Variants in NPTN observed in about 807,000 individuals in gnomAD.
NPTN encodes neuroplastin.
NPTN carries 5 observed loss-of-function variants against 42.7 expected under a neutral mutation model. That is an observed-to-expected ratio of 0.12 (90% CI 0.06 to 0.25). The LOEUF is 0.25. Among genes scored for constraint, NPTN ranks in the 10% least tolerant of loss-of-function variants. The pLI, the probability that NPTN is intolerant of heterozygous loss-of-function variation, is 1.00. For synonymous variants in NPTN, 180 were observed against 201.9 expected, an observed-to-expected ratio of 0.89 and a Z score of 0.92; for missense variants, 307 against 525.4, an observed-to-expected ratio of 0.58 and a Z score of 4.06.
chr15:73,629,956 A>C (rs1265932100), intron 1 of NPTN, among the ~76,000 whole-genome samples: 1 of 152,246 alleles, frequency 6.6e-6, no homozygotes, highest in Non-Finnish European at 1.5e-5. Context: ...TTTCTGAGAA[A>C]GTTACATAAG....
chr15:73,616,753 C>G (rs1301410747), intron 1 of NPTN, among the ~76,000 whole-genome samples: 1 of 152,110 alleles, frequency 6.6e-6, no homozygotes, highest in African/African-American at 2.4e-5. Flanking sequence ...CCTAGTGTCC[C>G]AAACACCAGT....
intron 6 of NPTN, among the ~76,000 whole-genome samples, chr15:73,564,592 G>A (rs1294235181): frequency 1.3e-5 from 2 of 152,118 alleles, no homozygotes; most frequent in Non-Finnish European, 2.9e-5. Context: ...ACTATCAAAC[G>A]GGTACAGAGA....
At chr15:73,596,916 T>C in intron 2 of NPTN, 106 bp downstream of exon 2, 1 of 795,704 alleles carries the variant, frequency 1.3e-6, no homozygotes, top group Non-Finnish European at 1.9e-6. Context: ...AGACAAGGGG[T>C]GGGGTGAGTG....
chr15:73,631,715 A>C (rs946049960), intron 1 of NPTN, among the ~76,000 whole-genome samples: 10 of 152,240 alleles, frequency 6.6e-5, no homozygotes, highest in Admixed American at 1.3e-4. Flanking sequence ...ACTCTCCAGT[A>C]CTGACTTCTC....
rs1253129075 is a variant in NPTN, at chr15:73,591,994, G to T, written c.583C>A (p.Arg195Ser). The change falls in exon 3 of 9, where the codon CGT becomes AGT. Residue 195 changes from arginine (R) to serine (S), a missense_variant. Arg to Ser is a moderately radical substitution (Grantham distance 110). Coordinates refer to ENST00000345330, the MANE Select transcript of NPTN (RefSeq NM_012428.4). ...TACTCCATGTTGCTGGCATTCTTAC[G>T]AGTGGCACTCAGTTCCACCCCATTC... is the stretch of plus-strand genomic sequence containing the variant. ...TKNGVELSAT[R>S]KNASNMEYRI... is the part of the protein sequence containing the mutation. The T allele has an allele frequency of 9.3e-6, 15 of 1,613,452 alleles. No homozygotes were observed. The highest frequency in any genetic ancestry group is 1.3e-5 in the Non-Finnish European group (15 of 1,179,692).
chr15:73,603,291 C>A (rs1897150007), intron 1 of NPTN, among the ~76,000 whole-genome samples: 1 of 152,196 alleles, frequency 6.6e-6, no homozygotes, highest in Admixed American at 6.5e-5. Context: ...AAGTGCTAAA[C>A]AGGCCACGGG....
chr15:73,600,105 T>C (rs1361966942), intron 1 of NPTN, among the ~76,000 whole-genome samples: 1 of 152,202 alleles, frequency 6.6e-6, no homozygotes, highest in Non-Finnish European at 1.5e-5. Context: ...TGATTCCCAC[T>C]GCACACAACT....
At chr15:73,577,312 C>T (rs906578234) in intron 4 of NPTN, among the ~76,000 whole-genome samples, 1 of 152,200 alleles carries the variant, frequency 6.6e-6, no homozygotes. Flanking sequence ...CAGGAAGAAG[C>T]CAGAGTGATC....
At chr15:73,561,860 A>ATAAT in intron 8 of NPTN, 36 bp downstream of exon 8, 1 of 1,424,878 alleles carries the variant, frequency 7.0e-7, no homozygotes, top group South Asian at 1.2e-5. Context: ...TCATTTGAAT[A>ATAAT]TAATTTTTAA....
chr15:73,633,221 C>T lies in NPTN; in HGVS notation c.-6G>A, dbSNP rs1479657323. The T allele has an allele frequency of 1.3e-6, 2 of 1,524,540 alleles. No individual in the cohort carries two copies. The highest frequency in any genetic ancestry group is 4.6e-5 in the Admixed American group (2 of 43,736). The allele number at this position is 1,524,540 out of a possible 1,614,324, so 94.4% of individuals were successfully genotyped here. A position where few individuals can be genotyped will look rare whatever the true frequency, so the allele number is the denominator to read the frequency against. Reference sequence around the variant, plus strand: ...GGCAGCGACGAACCCGACATCCTCCCTAGCAGAAGACCCAACAGCGAATGG... The same window carrying T: ...GGCAGCGACGAACCCGACATCCTCCTTAGCAGAAGACCCAACAGCGAATGG... On this transcript the variant is annotated 5_prime_UTR_variant, in exon 1 of 9. Coordinates refer to ENST00000345330, the MANE Select transcript of NPTN (RefSeq NM_012428.4).
chr15:73,599,092 T>G (rs1371968065), intron 1 of NPTN, among the ~76,000 whole-genome samples: 1 of 152,104 alleles, frequency 6.6e-6, no homozygotes, highest in Non-Finnish European at 1.5e-5. Flanking sequence ...CCTCTTCAGA[T>G]CCAGCATGCA....
At chr15:73,574,491 G>C (rs1895579659) in intron 4 of NPTN, among the ~76,000 whole-genome samples, 1 of 152,136 alleles carries the variant, frequency 6.6e-6, no homozygotes, top group Admixed American at 6.5e-5. Context: ...CATGATCGCT[G>C]CTCACTGTAG....
At chr15:73,608,446 C>T (rs909912924) in intron 1 of NPTN, among the ~76,000 whole-genome samples, 1 of 152,172 alleles carries the variant, frequency 6.6e-6, no homozygotes, top group Non-Finnish European at 1.5e-5. Context: ...CAAGAGGAAA[C>T]ACCATGAGCA....
rs144154573 is a variant in NPTN, at chr15:73,618,959, T to C, written c.91+14166A>G. Among the ~76,000 whole-genome samples the C allele has an allele frequency of 1.4e-3, 219 of 151,112 alleles. 5 individuals carry two copies. In the East Asian group the frequency reaches 0.038, roughly 26 times the overall value. ...CTGTAATCCCAGCTGCTCAGGACAC[T>C]GAGACAGGACGATTGCTTGAGCCTG... is the stretch of plus-strand genomic sequence containing the variant. On this transcript the variant is annotated intron_variant, in intron 1 of 8. Coordinates refer to ENST00000345330, the MANE Select transcript of NPTN (RefSeq NM_012428.4).
intron 1 of NPTN, among the ~76,000 whole-genome samples, chr15:73,611,222 T>C (rs1459850218): frequency 2.0e-5 from 3 of 152,346 alleles, no homozygotes; most frequent in East Asian, 1.9e-4. Context: ...ATTCTTAAAG[T>C]AATACGCAAT....
chr15:73,582,948 T>C (rs1197244822), intron 4 of NPTN, among the ~76,000 whole-genome samples: 2 of 152,214 alleles, frequency 1.3e-5, no homozygotes, highest in Non-Finnish European at 2.9e-5. Context: ...TGGCTCTCCT[T>C]GCTCCTCAAG....
Position 73,571,744 on chromosome 15 carries a change from C to G in NPTN, c.841-1321G>C, listed in dbSNP as rs1382342047. On this transcript the variant is annotated intron_variant, in intron 5 of 8. Transcript: ENST00000345330. ...CTCATGTGTCTTTACCCTGCAACAA[C>G]TAAAGCACAATCAGAAATAGGAGAG... is the stretch of plus-strand genomic sequence containing the variant. 2.6e-5 allele frequency among the ~76,000 whole-genome samples: 4 copies of G among 152,138 alleles called. No individual in the cohort carries two copies. In the South Asian group the frequency reaches 8.3e-4, roughly 32 times the overall value.
chr15:73,622,301 T>G (rs1595969883), intron 1 of NPTN, among the ~76,000 whole-genome samples: 2 of 152,182 alleles, frequency 1.3e-5, no homozygotes, highest in African/African-American at 4.8e-5. Flanking sequence ...AAGAAAAGGG[T>G]GTGGTCAATC....
intron 1 of NPTN, chr15:73,599,394 T>A (rs1939563044): frequency 6.5e-6 from 1 of 153,242 alleles, no homozygotes; most frequent in African/African-American, 2.4e-5. Flanking sequence ...GGCGGGAGGA[T>A]CATGAGGTCA....
Sources: gnomAD v4.1 joint callset for allele counts (sites outside exome capture counted in the v4.1 genomes callset) on GRCh38, gnomAD v4.1.1 for gene constraint, MANE v1.5 for transcripts, NCBI Gene and HGNC (gene_info 2026-07-23, HGNC 2026-07-21) for gene names.